The following DCC variants were observed in gnomAD, a reference collection of about 807,000 sequenced individuals.
DCC encodes DCC netrin 1 receptor.
In DCC, 58 loss-of-function variants were observed where a neutral mutation model predicts 172.5. That is an observed-to-expected ratio of 0.34 (90% CI 0.27 to 0.42). DCC has a LOEUF of 0.42. Ranked by LOEUF, DCC falls within the 10% of genes least tolerant of loss-of-function variation. The probability of loss-of-function intolerance (pLI) is 1.00; values close to 1 mark genes in which losing one functional copy is unlikely to be tolerated. For synonymous variants in DCC, 709 were observed against 644.5 expected (o/e 1.10, Z -1.52); for missense variants, 1,740 against 1,791.0 (o/e 0.97, Z 0.51).
intron 1 of DCC, among the ~76,000 whole-genome samples, chr18:52,347,955 A>C (rs1246934557): frequency 6.6e-6 from 1 of 152,118 alleles, no homozygotes; most frequent in East Asian, 1.9e-4. Flanking sequence ...ACAAATACCC[A>C]TGTACCCACT....
At chr18:52,427,819 C>T (rs1360373877) in intron 1 of DCC, among the ~76,000 whole-genome samples, 4 of 91,292 alleles carry the variant, frequency 4.4e-5, no homozygotes, top group Admixed American at 2.7e-4. Flanking sequence ...TTCCTTTCTT[C>T]CTTCCTTCCT....
At chr18:53,456,473 G>A (rs546514577) in intron 23 of DCC, among the ~76,000 whole-genome samples, 1 of 152,280 alleles carries the variant, frequency 6.6e-6, no homozygotes, top group African/African-American at 2.4e-5. Context: ...TTTGGTATTT[G>A]CAGAGGGGCC....
At chr18:52,519,576 G>C (rs1231181539) in intron 1 of DCC, among the ~76,000 whole-genome samples, 1 of 152,174 alleles carries the variant, frequency 6.6e-6, no homozygotes, top group African/African-American at 2.4e-5. Context: ...AGTAAGAGAG[G>C]AACAGGTAAA....
intron 1 of DCC, among the ~76,000 whole-genome samples, chr18:52,643,479 A>T (rs534929947): frequency 7.9e-5 from 12 of 152,260 alleles, no homozygotes; most frequent in Non-Finnish European, 5.9e-5. Flanking sequence ...AGCCCACATG[A>T]TTTTTGCTCT....
At chr18:53,488,820 T>A (rs2045929987) in intron 26 of DCC, among the ~76,000 whole-genome samples, 1 of 152,152 alleles carries the variant, frequency 6.6e-6, no homozygotes, top group Admixed American at 6.5e-5. Flanking sequence ...TCTGCTCAAT[T>A]TTCTTGTGAA....
At position 53,063,269 on chromosome 18, in the gene DCC, A is replaced by G. The variant is rs2144080289; in HGVS notation, c.986-36A>G. 4 of 1,609,314 alleles carry G rather than the reference A, an allele frequency of 2.5e-6. No homozygotes were observed. In the East Asian group the frequency reaches 8.9e-5, roughly 36 times the overall value. ...CAGCAGCATGCAAGTTCACATCCCC[A>G]CCCACTCACTCACTTTTTTTTTTCT... On this transcript the variant is annotated intron_variant, in intron 5 of 28. Coordinates refer to ENST00000442544, the MANE Select transcript of DCC (RefSeq NM_005215.4).
At chr18:52,992,173 T>A (rs2041404370) in intron 5 of DCC, among the ~76,000 whole-genome samples, 1 of 152,214 alleles carries the variant, frequency 6.6e-6, no homozygotes, top group Non-Finnish European at 1.5e-5. Flanking sequence ...TCTGTTTCCT[T>A]CCCCATGGGA....
chr18:52,898,345 T>C (rs2145433583), intron 2 of DCC, among the ~76,000 whole-genome samples: 1 of 152,264 alleles, frequency 6.6e-6, no homozygotes, highest in Middle Eastern at 3.4e-3. Context: ...CAGATTAGAA[T>C]TTAAAAGAAG....
At chr18:53,111,231 A>G (rs1420029702) in intron 7 of DCC, among the ~76,000 whole-genome samples, 28 of 119,076 alleles carry the variant, frequency 2.4e-4, no homozygotes, top group Non-Finnish European at 4.1e-4. Context: ...GGGGAACATC[A>G]CACTCTGGGG....
At chr18:53,130,588 G>C (rs1477897153) in intron 7 of DCC, among the ~76,000 whole-genome samples, 3 of 152,108 alleles carry the variant, frequency 2.0e-5, no homozygotes, top group Non-Finnish European at 4.4e-5. Context: ...GTATGTGGTG[G>C]AGATGGGAAT....
chr18:53,185,873 AAT>A (rs2055273728), intron 9 of DCC, among the ~76,000 whole-genome samples: 2 of 152,224 alleles, frequency 1.3e-5, no homozygotes, highest in Non-Finnish European at 2.9e-5. Flanking sequence ...GTGCTAAAAT[AAT>A]AGACATGATT....
At chr18:52,908,797 T>C (rs1283321791) in intron 3 of DCC, among the ~76,000 whole-genome samples, 1 of 152,210 alleles carries the variant, frequency 6.6e-6, no homozygotes, top group African/African-American at 2.4e-5. Flanking sequence ...GAATTGAAAC[T>C]GATATTTTTG....
chr18:52,508,161 AC>A (rs1482800321), intron 1 of DCC, among the ~76,000 whole-genome samples: 1 of 152,014 alleles, frequency 6.6e-6, no homozygotes, highest in Non-Finnish European at 1.5e-5. Context: ...TTTATAAATG[AC>A]CCTCTTCAAT....
At chr18:53,351,660 C>T (rs938511143) in intron 15 of DCC, among the ~76,000 whole-genome samples, 1 of 150,338 alleles carries the variant, frequency 6.7e-6, no homozygotes, top group Non-Finnish European at 1.5e-5. Flanking sequence ...TTATGTAGGT[C>T]ATTCATTCTA....
intron 1 of DCC, among the ~76,000 whole-genome samples, chr18:52,692,086 G>A (rs1328246349): frequency 2.0e-5 from 3 of 152,138 alleles, no homozygotes; most frequent in African/African-American, 4.8e-5. Flanking sequence ...ATGTGAGCTT[G>A]TGGGGATTGA....
At chr18:52,953,666 G>C (rs1032175326) in intron 5 of DCC, among the ~76,000 whole-genome samples, 1 of 152,178 alleles carries the variant, frequency 6.6e-6, no homozygotes, top group Non-Finnish European at 1.5e-5. Context: ...AAAGCTTCCT[G>C]CCAGGCGGTT....
chr18:52,790,025 T>C (rs2037730375), intron 2 of DCC, among the ~76,000 whole-genome samples: 2 of 152,272 alleles, frequency 1.3e-5, no homozygotes, highest in South Asian at 4.1e-4. Flanking sequence ...CTGTCATTGA[T>C]AGATCAGCTG....
At chr18:53,100,225 G>A (rs763559418) in intron 7 of DCC, among the ~76,000 whole-genome samples, 1 of 151,944 alleles carries the variant, frequency 6.6e-6, no homozygotes, top group Non-Finnish European at 1.5e-5. Flanking sequence ...TGGGATTACA[G>A]TGTGAGCCAC....
chr18:52,496,667 G>C (rs1479461384), intron 1 of DCC, among the ~76,000 whole-genome samples: 1 of 152,018 alleles, frequency 6.6e-6, no homozygotes, highest in Non-Finnish European at 1.5e-5. Flanking sequence ...GGAGACAGTG[G>C]AGGGAAGACA....
Sources: gnomAD v4.1 joint callset for allele counts (sites outside exome capture counted in the v4.1 genomes callset) on GRCh38, gnomAD v4.1.1 for gene constraint, MANE v1.5 for transcripts, NCBI Gene and HGNC (gene_info 2026-07-23, HGNC 2026-07-21) for gene names.